LCLAT1: variants seen among roughly 807,000 people sequenced by gnomAD.
LCLAT1 encodes lysocardiolipin acyltransferase 1, also known as 1-AGP acyltransferase 8.
Under a neutral mutation model 30.7 loss-of-function variants are expected in LCLAT1, and 11 were observed. The observed-to-expected ratio is 0.36, with a 90% CI of 0.23 to 0.59. The LOEUF (loss-of-function observed/expected upper bound fraction) is 0.59. Ranked by LOEUF, LCLAT1 falls within the 20% of genes least tolerant of loss-of-function variation. The probability of loss-of-function intolerance (pLI) is 0.77; values close to 1 mark genes in which losing one functional copy is unlikely to be tolerated. For missense variants in LCLAT1, 402 were observed against 458.6 expected, an observed-to-expected ratio of 0.88 and a Z score of 1.13; for synonymous variants, 155 against 151.3, an observed-to-expected ratio of 1.02 and a Z score of -0.18.
At chr2:30,469,452 C>T (rs1264646533) in intron 1 of LCLAT1, among the ~76,000 whole-genome samples, 1 of 151,978 alleles carries the variant, frequency 6.6e-6, no homozygotes, top group African/African-American at 2.4e-5. Flanking sequence ...CCAGTAGTAT[C>T]ATTTGTTACA....
chr2:30,495,817 T>C (rs201457207), intron 1 of LCLAT1, among the ~76,000 whole-genome samples: 1 of 152,162 alleles, frequency 6.6e-6, no homozygotes, highest in Admixed American at 6.6e-5. Flanking sequence ...TTTCTAAAGA[T>C]TTACATGAAA....
chr2:30,627,318 C>T (rs958208997), intron 5 of LCLAT1, among the ~76,000 whole-genome samples: 2 of 152,028 alleles, frequency 1.3e-5, no homozygotes, highest in Non-Finnish European at 2.9e-5. Flanking sequence ...CATTATCCGC[C>T]TTATAAGGTT....
intron 5 of LCLAT1, 114 bp downstream of exon 5, chr2:30,568,290 G>T: frequency 1.8e-6 from 1 of 544,214 alleles, no homozygotes; most frequent in South Asian, 3.1e-5. Context: ...CTCAAGAAAT[G>T]AGATATTGTA....
chr2:30,549,593 G>A (rs1161318496), intron 3 of LCLAT1, among the ~76,000 whole-genome samples: 1 of 152,084 alleles, frequency 6.6e-6, no homozygotes, highest in Non-Finnish European at 1.5e-5. Context: ...CTTTGAAATG[G>A]CACTTTGCAA....
chr2:30,637,522 G>T (rs558752291), intron 5 of LCLAT1, among the ~76,000 whole-genome samples: 1 of 152,048 alleles, frequency 6.6e-6, no homozygotes, highest in African/African-American at 2.4e-5. Context: ...ATGGTAAATA[G>T]ATCACCTCTT....
chr2:30,480,905 A>C (rs1572504124), intron 1 of LCLAT1, among the ~76,000 whole-genome samples: 1 of 152,212 alleles, frequency 6.6e-6, no homozygotes, highest in East Asian at 1.9e-4. Context: ...GAAACAGACA[A>C]ATGAATAAAC....
intron 1 of LCLAT1, among the ~76,000 whole-genome samples, chr2:30,489,888 G>A (rs1202166399): frequency 6.6e-6 from 1 of 152,184 alleles, no homozygotes; most frequent in Admixed American, 6.5e-5. Context: ...TAAACTTCAC[G>A]TGAGGCACTT....
chr2:30,459,620 C>G, intron 1 of LCLAT1: 1 of 1,612,444 alleles, frequency 6.2e-7, no homozygotes, highest in Non-Finnish European at 8.5e-7. Flanking sequence ...TATATGCATT[C>G]CAGGGGAAGG....
intron 1 of LCLAT1, among the ~76,000 whole-genome samples, chr2:30,447,791 T>G (rs1235305361): frequency 4.6e-5 from 7 of 152,214 alleles, no homozygotes; most frequent in African/African-American, 1.7e-4. Flanking sequence ...GGTCTGACCC[T>G]GTTAAATCCC....
intron 5 of LCLAT1, chr2:30,606,002 A>G (rs1188564301): frequency 1.5e-6 from 2 of 1,292,616 alleles, no homozygotes; most frequent in Non-Finnish European, 2.0e-6. Flanking sequence ...CCCACTCCCC[A>G]CTCTGTTGAT....
intron 1 of LCLAT1, chr2:30,459,416 A>C: frequency 7.0e-6 from 4 of 574,804 alleles, no homozygotes; most frequent in Non-Finnish European, 1.2e-5. Context: ...TGCCCTGTGC[A>C]TTAATCCATT....
intron 2 of LCLAT1, among the ~76,000 whole-genome samples, chr2:30,530,647 G>A (rs903556002): frequency 1.3e-5 from 2 of 152,194 alleles, no homozygotes; most frequent in Non-Finnish European, 2.9e-5. Context: ...CTGGACTCGA[G>A]TAATCCTTCT....
At chr2:30,475,509 A>G (rs1215607165) in intron 1 of LCLAT1, among the ~76,000 whole-genome samples, 3 of 152,194 alleles carry the variant, frequency 2.0e-5, no homozygotes, top group Non-Finnish European at 4.4e-5. Context: ...GATAATCTGG[A>G]TTACTGACCT....
intron 5 of LCLAT1, among the ~76,000 whole-genome samples, chr2:30,612,218 G>A (rs961671599): frequency 2.6e-5 from 4 of 152,044 alleles, no homozygotes; most frequent in African/African-American, 7.2e-5. Context: ...CAAGCACAGG[G>A]GATTGCATTC....
chr2:30,475,049 G>A (rs1682980652), intron 1 of LCLAT1, among the ~76,000 whole-genome samples: 1 of 151,996 alleles, frequency 6.6e-6, no homozygotes, highest in African/African-American at 2.4e-5. Flanking sequence ...CCAGGCTGGA[G>A]TACAGTGGCA....
At chr2:30,609,137 CTTG>C (rs1398595191) in intron 5 of LCLAT1, among the ~76,000 whole-genome samples, 1 of 152,102 alleles carries the variant, frequency 6.6e-6, no homozygotes, top group Non-Finnish European at 1.5e-5. Flanking sequence ...ACTATAGTGA[CTTG>C]TTAATTCGCA....
chr2:30,501,975 G>A (rs1483823707), intron 1 of LCLAT1, among the ~76,000 whole-genome samples: 1 of 152,136 alleles, frequency 6.6e-6, no homozygotes, highest in African/African-American at 2.4e-5. Context: ...GTTCTTTAAC[G>A]TAAGAAATCC....
chr2:30,478,611 T>C (rs1380705456), intron 1 of LCLAT1, among the ~76,000 whole-genome samples: 7 of 152,138 alleles, frequency 4.6e-5, no homozygotes, highest in Non-Finnish European at 1.0e-4. Context: ...CCAGGAGCAG[T>C]AAGCCATGAT....
chr2:30,490,016 C>T (rs1234361465), intron 1 of LCLAT1, among the ~76,000 whole-genome samples: 1 of 152,084 alleles, frequency 6.6e-6, no homozygotes. Context: ...TTCCAAATAC[C>T]TTACATGTAT....
Sources: allele counts gnomAD v4.1 joint callset (sites outside exome capture counted in the v4.1 genomes callset), GRCh38; gene constraint gnomAD v4.1.1; transcripts MANE v1.5; gene names NCBI Gene and HGNC (gene_info 2026-07-23, HGNC 2026-07-21).